The following FRMPD4 variants were observed in gnomAD, a reference collection of about 807,000 sequenced individuals.
FRMPD4 encodes the protein FERM and PDZ domain-containing protein 4.
A neutral mutation model predicts 94.1 loss-of-function variants in FRMPD4; 22 were observed. That is an observed-to-expected ratio of 0.23 (90% CI 0.17 to 0.33). FRMPD4 has a LOEUF of 0.33. Among genes scored for constraint, FRMPD4 ranks in the 10% least tolerant of loss-of-function variants. The pLI is 1.00. For missense variants in FRMPD4, 1,111 were observed against 1,339.9 expected, an observed-to-expected ratio of 0.83 and a Z score of 2.67; for synonymous variants, 631 against 548.6, an observed-to-expected ratio of 1.15 and a Z score of -2.10.
At chrX:11,858,126 T>C (rs1320581988) in intron 1 of FRMPD4, among the ~76,000 whole-genome samples, 1 of 111,720 alleles carries the variant, frequency 9.0e-6, no homozygotes, top group Admixed American at 9.5e-5. Flanking sequence ...AGTTCAGCCG[T>C]TGTGGAAGAC....
intron 1 of FRMPD4, among the ~76,000 whole-genome samples, chrX:12,240,046 C>A (rs1388572509): frequency 8.9e-6 from 1 of 112,179 alleles, no homozygotes; most frequent in African/African-American, 3.2e-5. Flanking sequence ...TTACAATAAC[C>A]AACAAACATT....
chrX:11,832,342 A>G (rs980944625), intron 1 of FRMPD4, among the ~76,000 whole-genome samples: 15 of 111,875 alleles, frequency 1.3e-4, no homozygotes, highest in Admixed American at 4.8e-4. Flanking sequence ...AGACTCTCAG[A>G]CAAAGTGATT....
chrX:12,625,172 T>C (rs1036603675), intron 4 of FRMPD4, among the ~76,000 whole-genome samples: 8 of 111,698 alleles, frequency 7.2e-5, no homozygotes, highest in African/African-American at 2.3e-4. Flanking sequence ...GGAACCCTCA[T>C]ACCATCACTG....
At chrX:12,214,011 A>G (rs2056780285) in intron 1 of FRMPD4, among the ~76,000 whole-genome samples, 1 of 112,205 alleles carries the variant, frequency 8.9e-6, no homozygotes, top group East Asian at 2.8e-4. Context: ...ATCTGCAGCT[A>G]TTTTATTCAG....
chrX:11,835,424 C>T (rs1445527035), intron 1 of FRMPD4, among the ~76,000 whole-genome samples: 4 of 111,950 alleles, frequency 3.6e-5, no homozygotes, highest in East Asian at 2.8e-4. Flanking sequence ...CCAGATAGCA[C>T]GAAGGCAGCA....
chrX:12,360,643 TAACAGGTACTAA>T (rs1376102297), intron 1 of FRMPD4, among the ~76,000 whole-genome samples: 1 of 111,543 alleles, frequency 9.0e-6, no homozygotes, highest in Non-Finnish European at 1.9e-5. Context: ...CCCACAAACT[TAACAGGTACTAA>T]AATCTCATCA....
At chrX:11,823,290 T>C (rs1483214096) in intron 1 of FRMPD4, among the ~76,000 whole-genome samples, 2 of 109,302 alleles carry the variant, frequency 1.8e-5, no homozygotes, top group African/African-American at 3.3e-5. Flanking sequence ...AAGTTTATGA[T>C]AATATAATAA....
chrX:12,230,916 T>TTACTATATATACTATATA (rs1267777751), intron 1 of FRMPD4, among the ~76,000 whole-genome samples: 1 of 82,741 alleles, frequency 1.2e-5, no homozygotes, highest in African/African-American at 4.5e-5. Flanking sequence ...ACTATATATA[T>TTACTATATATACTATATA]TACTATATTA....
chrX:12,032,109 A>T (rs984870218), intron 3 of FRMPD4, among the ~76,000 whole-genome samples: 1 of 112,238 alleles, frequency 8.9e-6, no homozygotes, highest in Non-Finnish European at 1.9e-5. Flanking sequence ...ATGCTTGGAT[A>T]TTCAAGTAGT....
intron 1 of FRMPD4, among the ~76,000 whole-genome samples, chrX:12,406,925 A>G (rs2148060424): frequency 8.9e-6 from 1 of 112,073 alleles, no homozygotes; most frequent in Non-Finnish European, 1.9e-5. Flanking sequence ...GCTAAAAGCA[A>G]GGTGTCAGGA....
At chrX:11,971,181 T>C (rs2054338241) in intron 3 of FRMPD4, among the ~76,000 whole-genome samples, 2 of 112,201 alleles carry the variant, frequency 1.8e-5, no homozygotes, top group South Asian at 7.5e-4. Flanking sequence ...TACTCTAAAA[T>C]TGGAGTCTGA....
chrX:12,540,205 C>T (rs1273303806), intron 2 of FRMPD4, among the ~76,000 whole-genome samples: 4 of 111,673 alleles, frequency 3.6e-5, no homozygotes, highest in Non-Finnish European at 7.5e-5. Context: ...AACCAGCTAA[C>T]ATCATAATGA....
chrX:12,187,865 G>T (rs754502097), intron 1 of FRMPD4, among the ~76,000 whole-genome samples: 2 of 111,484 alleles, frequency 1.8e-5, no homozygotes, highest in Non-Finnish European at 3.8e-5. Flanking sequence ...GCCAAAGAAC[G>T]ACACTGTTCT....
chrX:12,219,618 G>A (rs2051959362), intron 1 of FRMPD4, among the ~76,000 whole-genome samples: 1 of 111,663 alleles, frequency 9.0e-6, no homozygotes, highest in Non-Finnish European at 1.9e-5. Flanking sequence ...TAGAAATTCT[G>A]ATGTGGAATA....
rs2054504299 is a variant in FRMPD4, at chrX:11,997,753, G to T, written c.95+119735G>T. The stretch of plus-strand genomic sequence containing the variant: ...ACTTCTCTTCAAGTTATATTTCTTT[G>T]GTCAAAGTAAGTCACATGGCAAAGC... On this transcript the variant is annotated intron_variant, in intron 3 of 18. Coordinates refer to the FRMPD4 transcript ENST00000640291. Among the ~76,000 whole-genome samples, 3 of 111,171 alleles carry T rather than the reference G, an allele frequency of 2.7e-5. No individual in the cohort carries two copies. In the South Asian group the frequency reaches 1.1e-3, roughly 42 times the overall value.
At chrX:11,837,440 C>T (rs1167399615) in intron 1 of FRMPD4, among the ~76,000 whole-genome samples, 1 of 110,787 alleles carries the variant, frequency 9.0e-6, no homozygotes, top group Non-Finnish European at 1.9e-5. Flanking sequence ...ACCTTTGATC[C>T]AAAAAAGCTT....
intron 2 of FRMPD4, among the ~76,000 whole-genome samples, chrX:12,567,900 GT>G (rs2058728213): frequency 8.9e-6 from 1 of 111,838 alleles, no homozygotes; most frequent in South Asian, 3.8e-4. Context: ...ATAGTCTCAG[GT>G]TTTGGTAACA....
At chrX:12,628,397 C>T (rs750810210) in intron 4 of FRMPD4, among the ~76,000 whole-genome samples, 1 of 111,520 alleles carries the variant, frequency 9.0e-6, no homozygotes, top group Non-Finnish European at 1.9e-5. Flanking sequence ...CTGTCTTTGA[C>T]TACTCACCTA....
At chrX:12,012,026 G>A (rs1228889975) in intron 3 of FRMPD4, among the ~76,000 whole-genome samples, 4 of 109,068 alleles carry the variant, frequency 3.7e-5, no homozygotes, top group African/African-American at 1.3e-4. Flanking sequence ...TCAGCCTCCC[G>A]AGTAGCTGGG....
Sources: allele counts gnomAD v4.1 joint callset (sites outside exome capture counted in the v4.1 genomes callset), GRCh38; gene constraint gnomAD v4.1.1; transcripts MANE v1.5; gene names NCBI Gene and HGNC (gene_info 2026-07-23, HGNC 2026-07-21).